The following CHD2 variants were observed in gnomAD, a reference collection of about 807,000 sequenced individuals.
The protein encoded by CHD2 is ATP-dependent chromatin remodeler CHD2.
CHD2 carries 28 observed loss-of-function variants against 243.9 expected under a neutral mutation model. The observed-to-expected ratio is 0.11, with a 90% CI of 0.09 to 0.16. The LOEUF (loss-of-function observed/expected upper bound fraction) is 0.16, where lower values mean the gene tolerates loss of function less well. Among genes scored for constraint, CHD2 ranks in the 10% least tolerant of loss-of-function variants. CHD2 has a pLI of 1.00. For missense variants in CHD2, 1,386 were observed against 2,209.8 expected, an observed-to-expected ratio of 0.63 and a Z score of 7.47; for synonymous variants, 775 against 779.0, an observed-to-expected ratio of 0.99 and a Z score of 0.09.
intron 2 of CHD2, among the ~76,000 whole-genome samples, chr15:92,906,662 A>G (rs1436300642): frequency 1.9e-5 from 2 of 103,282 alleles, no homozygotes; most frequent in East Asian, 3.7e-4. Flanking sequence ...GCTATGAGCC[A>G]TCTTTTTTTT....
chr15:92,964,875 T>G (rs780151527), intron 16 of CHD2, among the ~76,000 whole-genome samples: 6 of 152,202 alleles, frequency 3.9e-5, no homozygotes, highest in Non-Finnish European at 7.3e-5. Flanking sequence ...ATTACATCTT[T>G]TAGTGTTGGG....
rs760099829 is a variant in CHD2, at chr15:92,985,498, G to C, written c.3238G>C (p.Ala1080Pro). The change falls in exon 26 of 39, where the codon GCT (alanine) becomes CCT (proline). Residue 1080 changes from alanine to proline, a missense_variant and splice_region_variant. Ala to Pro is a conservative substitution (Grantham distance 27). Around this residue, in one of 19 missense-constraint regions of CHD2, gnomAD observed 99 missense variants for 206.4 expected, o/e 0.48. Transcript: ENST00000394196. ...LPRIRSSTKK[A>P]QTNDSDSDTE... ...GTGACTTTGCCTCGATCTTTCTCAG[G>C]CTCAGACAAATGACAGTGACTCTGA... 28 of 1,610,230 alleles carry C rather than the reference G, an allele frequency of 1.7e-5. No homozygotes were observed. Among genetic ancestry groups the C allele is most frequent in the Admixed American group, 3.3e-5 (2 of 59,728 alleles).
intron 36 of CHD2, among the ~76,000 whole-genome samples, chr15:93,013,203 G>T (rs2054414294): frequency 6.6e-6 from 1 of 152,200 alleles, no homozygotes. Context: ...GCACCCTCAA[G>T]TAGTTGATGA....
intron 21 of CHD2, 48 bp from the exon 22 acceptor site, chr15:92,979,087 G>T (rs1439449269): frequency 1.3e-6 from 2 of 1,591,536 alleles, no homozygotes; most frequent in Non-Finnish European, 8.5e-7. Flanking sequence ...TTTTTGGGGG[G>T]GTTGGGGGGT....
rs1064794433 is a variant in CHD2 at position 92,971,883 on chromosome 15, C to A, written c.2308C>A (p.Pro770Thr). ...TTGCAACCACTGCTATCTGATTAAACCCCCTGAAGAAAATGAAAGGGAAAA... is the reference window on the plus strand; with the variant it reads ...TTGCAACCACTGCTATCTGATTAAAACCCCTGAAGAAAATGAAAGGGAAAA... Reference protein sequence around the residue: ...KCCNHCYLIKPPEENERENGQ... With the variant: ...KCCNHCYLIKTPEENERENGQ... Residue 770 changes from proline to threonine, a missense_variant, in exon 18 of 39, where the codon CCC becomes ACC. Coordinates refer to ENST00000394196, the MANE Select transcript of CHD2 (RefSeq NM_001271.4). 6.2e-7 allele frequency: 1 copy of A among 1,613,064 alleles called. No individual in the cohort carries two copies. Among genetic ancestry groups the A allele is most frequent in the African/African-American group, 1.3e-5 (1 of 74,832 alleles).
chr15:92,901,231 T>C lies in CHD2; in HGVS notation c.-7T>C, dbSNP rs752030272. 1 of 1,568,100 alleles carries C rather than the reference T, an allele frequency of 6.4e-7. No homozygotes were observed. The highest frequency in any genetic ancestry group is 1.1e-5 in the South Asian group (1 of 89,406). ...CCCCCTCCCCCTTAATATTTAAGAA[T>C]TAAAAGATGATGAGAAATAAGGACA... On this transcript the variant is annotated 5_prime_UTR_variant, in exon 2 of 39. Transcript: ENST00000394196.
intron 17 of CHD2, among the ~76,000 whole-genome samples, chr15:92,971,560 C>CTT (rs759742687): frequency 5.9e-5 from 9 of 152,152 alleles, no homozygotes; most frequent in Admixed American, 1.3e-4. Context: ...CCAGCAGAAT[C>CTT]TTTAACATTC....
At chr15:92,955,829 G>C (rs2053611481) in intron 15 of CHD2, among the ~76,000 whole-genome samples, 1 of 152,188 alleles carries the variant, frequency 6.6e-6, no homozygotes, top group African/African-American at 2.4e-5. Context: ...GTATTGAATA[G>C]GTCAGTAACT....
At chr15:92,983,219 A>G (rs545580722) in intron 24 of CHD2, among the ~76,000 whole-genome samples, 1 of 152,312 alleles carries the variant, frequency 6.6e-6, no homozygotes, top group South Asian at 2.1e-4. Context: ...GTTTCAGCTC[A>G]GTTCCACCTC....
intron 2 of CHD2, chr15:92,902,212 G>A (rs901057833): frequency 3.5e-5 from 14 of 397,752 alleles, no homozygotes; most frequent in African/African-American, 2.1e-4. Context: ...GCTTAAAAAT[G>A]TACTGTTTGT....
Position 92,946,328 on chromosome 15 carries a change from G to A in CHD2, c.1377+112G>A, listed in dbSNP as rs1038020951. The A allele has an allele frequency of 2.0e-5, 16 of 801,364 alleles. No homozygotes were observed. In the East Asian group the frequency reaches 4.5e-4, roughly 23 times the overall value. 49.6% of individuals were successfully genotyped at this position (801,364 alleles called of 1,614,324 possible). ...AAAATGAAATGATGATTGCCATTTT[G>A]AAGTGAAAGAAGGTGATTTAAATAT... On this transcript the variant is annotated intron_variant, in intron 12 of 38. Coordinates refer to ENST00000394196, the MANE Select transcript of CHD2 (RefSeq NM_001271.4).
At chr15:92,973,480 T>C (rs1416099408) in intron 19 of CHD2, among the ~76,000 whole-genome samples, 1 of 152,170 alleles carries the variant, frequency 6.6e-6, no homozygotes, top group African/African-American at 2.4e-5. Flanking sequence ...ATAATTATGT[T>C]GGGATTGAAG....
chr15:92,942,060 T>G, intron 8 of CHD2, 105 bp downstream of exon 8: 2 of 1,063,226 alleles, frequency 1.9e-6, no homozygotes, highest in Non-Finnish European at 2.8e-6. Flanking sequence ...CTGCTGTATT[T>G]GTTGTGATAT....
At chr15:92,966,510 G>A (rs984425958) in intron 16 of CHD2, among the ~76,000 whole-genome samples, 1 of 152,054 alleles carries the variant, frequency 6.6e-6, no homozygotes, top group Non-Finnish European at 1.5e-5. Context: ...CTTTAATGAC[G>A]ACTTTAGATG....
At chr15:92,929,857 A>T (rs1380634229) in intron 5 of CHD2, among the ~76,000 whole-genome samples, 4 of 152,080 alleles carry the variant, frequency 2.6e-5, no homozygotes, top group East Asian at 3.9e-4. Context: ...GTAAAATATT[A>T]TTACTCTTTA....
In CHD2 at chr15:92,981,476, G is replaced by A. The variant is rs933928277; in HGVS notation, c.3066+19G>A. ...GTTTAAGGTATGAAGATCTTTGTGG[G>A]AGAGAGTTCTCAGCATTGATTCATT... On this transcript the variant is annotated intron_variant, in intron 24 of 38. Transcript: ENST00000394196. 1 of 1,577,988 alleles carries A rather than the reference G, an allele frequency of 6.3e-7. No homozygotes were observed. Among genetic ancestry groups the A allele is most frequent in the African/African-American group, 1.3e-5 (1 of 74,332 alleles).
In CHD2 at chr15:93,018,549, A is replaced by G. The variant is rs114049019; in HGVS notation, c.4907-1463A>G. Among the ~76,000 whole-genome samples, 521 of 152,348 alleles carry G rather than the reference A, an allele frequency of 3.4e-3. 2 individuals carry two copies. Among genetic ancestry groups the G allele is most frequent in the African/African-American group, 0.012 (494 of 41,582 alleles). On this transcript the variant is annotated intron_variant, in intron 37 of 38. Transcript: ENST00000394196. ...CTGTATTAGTTTCCTAGGGCTGTAT[A>G]TAACAAAGTATCACAGACTAGGTGG...
At chr15:93,020,928 C>T (rs537690518) in intron 38 of CHD2, 1 of 153,194 alleles carries the variant, frequency 6.5e-6, no homozygotes, top group Non-Finnish European at 1.5e-5. Context: ...GTAACAGCAG[C>T]CCGCATTAGC....
intron 33 of CHD2, among the ~76,000 whole-genome samples, chr15:93,002,914 G>C (rs1488227264): frequency 6.6e-6 from 1 of 152,058 alleles, no homozygotes; most frequent in Non-Finnish European, 1.5e-5. Context: ...TAGATTTCTT[G>C]ATAAGTGCCT....
Sources: gnomAD v4.1 joint callset for allele counts (sites outside exome capture counted in the v4.1 genomes callset) on GRCh38, gnomAD v4.1.1 for gene constraint, gnomAD v4.1.1 regional missense constraint, MANE v1.5 for transcripts, NCBI Gene and HGNC (gene_info 2026-07-23, HGNC 2026-07-21) for gene names.